CCDC7: variants seen among roughly 807,000 people sequenced by gnomAD.
The protein encoded by CCDC7 is coiled-coil domain containing 7, also known as coiled-coil domain-containing protein 7.
Under a neutral mutation model 196.9 loss-of-function variants are expected in CCDC7, and 183 were observed. The observed-to-expected ratio is 0.93, with a 90% CI of 0.82 to 1.05. The LOEUF (loss-of-function observed/expected upper bound fraction) is 1.05. Ranked by LOEUF, CCDC7 falls within the 50% of genes least tolerant of loss-of-function variation. The probability of loss-of-function intolerance (pLI) is 0.00; values close to 1 mark genes in which losing one functional copy is unlikely to be tolerated. For missense variants in CCDC7, 1,540 were observed against 1,482.2 expected (o/e 1.04, Z -0.64); for synonymous variants, 525 against 484.6 (o/e 1.08, Z -1.10).
chr10:32,527,934 T>G (rs2048925861), intron 11 of CCDC7, among the ~76,000 whole-genome samples: 1 of 152,190 alleles, frequency 6.6e-6, no homozygotes, highest in South Asian at 2.1e-4. Flanking sequence ...ATGCATAGAC[T>G]GCATAGTGGT....
At chr10:32,555,546 T>C (rs2054217173) in intron 13 of CCDC7, among the ~76,000 whole-genome samples, 1 of 152,126 alleles carries the variant, frequency 6.6e-6, no homozygotes, top group Non-Finnish European at 1.5e-5. Context: ...GCTTGGCCTA[T>C]TTTTAACTTT....
intron 29 of CCDC7, among the ~76,000 whole-genome samples, chr10:32,789,480 G>C (rs1170414395): frequency 6.6e-6 from 1 of 150,732 alleles, no homozygotes; most frequent in Non-Finnish European, 1.5e-5. Context: ...TAGCAAAATA[G>C]ATCAGGCAAA....
At chr10:32,460,110 A>G (rs1460049119) in intron 3 of CCDC7, among the ~76,000 whole-genome samples, 2 of 152,216 alleles carry the variant, frequency 1.3e-5, no homozygotes, top group African/African-American at 2.4e-5. Flanking sequence ...ATAAAAGGCA[A>G]TATTGATAAA....
intron 8 of CCDC7, among the ~76,000 whole-genome samples, chr10:32,476,496 A>G (rs1308702493): frequency 6.6e-6 from 1 of 152,214 alleles, no homozygotes; most frequent in Non-Finnish European, 1.5e-5. Context: ...CGTTTTGGCA[A>G]TTATAAATAA....
intron 27 of CCDC7, 81 bp from the exon 29 acceptor site, chr10:32,729,250 AT>A: frequency 7.5e-7 from 1 of 1,339,976 alleles, no homozygotes; most frequent in East Asian, 2.4e-5. Flanking sequence ...TGATTTTCTC[AT>A]TTTACTTCCA....
At chr10:32,629,413 A>G (rs962730983) in intron 18 of CCDC7, among the ~76,000 whole-genome samples, 4 of 152,114 alleles carry the variant, frequency 2.6e-5, no homozygotes, top group African/African-American at 9.7e-5. Flanking sequence ...TCAGGAGTTC[A>G]GAGCTGTGTC....
At chr10:32,542,028 G>A (rs549524978) in intron 11 of CCDC7, among the ~76,000 whole-genome samples, 1 of 152,180 alleles carries the variant, frequency 6.6e-6, no homozygotes, top group South Asian at 2.1e-4. Flanking sequence ...TCAGATGATC[G>A]GCCTACAGGG....
At chr10:32,591,395 G>GAAAAATT (rs951648490) in intron 18 of CCDC7, among the ~76,000 whole-genome samples, 2 of 151,274 alleles carry the variant, frequency 1.3e-5, no homozygotes, top group Non-Finnish European at 2.9e-5. Context: ...CTAGAATTAG[G>GAAAAATT]AAAAATTAAG....
chr10:32,848,561 A>G (rs1159270363), intron 38 of CCDC7, 35 bp from the exon 40 acceptor site: 1 of 1,378,480 alleles, frequency 7.3e-7, no homozygotes, highest in Admixed American at 1.7e-5. Context: ...AGTCAAGAGT[A>G]TTCATGCACT....
chr10:32,498,086 G>A (rs1253311295), intron 9 of CCDC7, among the ~76,000 whole-genome samples: 1 of 152,080 alleles, frequency 6.6e-6, no homozygotes, highest in Non-Finnish European at 1.5e-5. Context: ...CCTGTATTGG[G>A]TGCATATATA....
chr10:32,762,076 C>T, intron 28 of CCDC7, among the ~76,000 whole-genome samples: 1 of 151,778 alleles, frequency 6.6e-6, no homozygotes. Flanking sequence ...AAACTGCATC[C>T]TAAGCACAGT....
intron 30 of CCDC7, among the ~76,000 whole-genome samples, chr10:32,812,833 C>G (rs1235108976): frequency 1.3e-5 from 2 of 152,012 alleles, no homozygotes; most frequent in African/African-American, 4.8e-5. Context: ...TCAAATGAAC[C>G]CGTCCTTCTT....
chr10:32,485,566 A>C (rs1279678038), intron 8 of CCDC7, among the ~76,000 whole-genome samples: 3 of 152,020 alleles, frequency 2.0e-5, no homozygotes, highest in Non-Finnish European at 4.4e-5. Flanking sequence ...TTGCTTCTCT[A>C]GTTCTTTTAA....
chr10:32,850,416 C>G (rs922845735), intron 39 of CCDC7, among the ~76,000 whole-genome samples: 2 of 152,176 alleles, frequency 1.3e-5, no homozygotes, highest in Non-Finnish European at 2.9e-5. Context: ...GGGCAAGCCT[C>G]AATGTATGAG....
At chr10:32,667,787 T>G (rs552613817) in intron 21 of CCDC7, among the ~76,000 whole-genome samples, 20 of 152,270 alleles carry the variant, frequency 1.3e-4, no homozygotes, top group South Asian at 4.1e-4. Context: ...TAGTATAGTT[T>G]GAAGTCAGGT....
At chr10:32,466,929 T>C (rs2036918847) in intron 5 of CCDC7, among the ~76,000 whole-genome samples, 1 of 152,166 alleles carries the variant, frequency 6.6e-6, no homozygotes, top group South Asian at 2.1e-4. Flanking sequence ...TTTGCCAGCA[T>C]CTTTTATTTT....
intron 18 of CCDC7, among the ~76,000 whole-genome samples, chr10:32,633,714 G>GTGTGTGTGTGTGTATATATATA (rs2065207936): frequency 7.0e-6 from 1 of 142,774 alleles, no homozygotes; most frequent in South Asian, 2.3e-4. Flanking sequence ...GTGTGTGTGT[G>GTGTGTGTGTGTGTATATATATA]TGTGTGTGTG....
chr10:32,551,451 T>G (rs11814301), intron 13 of CCDC7, among the ~76,000 whole-genome samples: 6,926 of 152,124 alleles, frequency 0.046, 528 homozygotes, highest in African/African-American at 0.16. Context: ...TGGGTTTGGT[T>G]TGTTCTTGTT....
At chr10:32,496,928 C>T (rs911361468) in intron 9 of CCDC7, among the ~76,000 whole-genome samples, 2 of 152,178 alleles carry the variant, frequency 1.3e-5, no homozygotes, top group South Asian at 2.1e-4. Flanking sequence ...GGAGGATTCT[C>T]TCTTTTTCTA....
Sources: allele counts gnomAD v4.1 joint callset (sites outside exome capture counted in the v4.1 genomes callset), GRCh38; gene constraint gnomAD v4.1.1; transcripts MANE v1.5; gene names NCBI Gene and HGNC (gene_info 2026-07-23, HGNC 2026-07-21).